NALF1: variants seen among roughly 807,000 people sequenced by gnomAD.
NALF1 encodes the protein family with sequence similarity 155 member A.
Under a neutral mutation model 48.4 loss-of-function variants are expected in NALF1, and 3 were observed. That is an observed-to-expected ratio of 0.06 (90% confidence interval 0.03 to 0.16). The LOEUF (loss-of-function observed/expected upper bound fraction) is 0.16, where lower values mean the gene tolerates loss of function less well. NALF1 is among the 10% of genes least tolerant of loss of function. The pLI, the probability that NALF1 is intolerant of heterozygous loss-of-function variation, is 1.00. For missense variants in NALF1, 526 were observed against 571.5 expected, an observed-to-expected ratio of 0.92 and a Z score of 0.81; for synonymous variants, 262 against 245.7, an observed-to-expected ratio of 1.07 and a Z score of -0.62.
intron 1 of NALF1, among the ~76,000 whole-genome samples, chr13:107,449,753 G>A (rs1275045473): frequency 6.6e-6 from 1 of 152,182 alleles, no homozygotes; most frequent in Admixed American, 6.5e-5. Context: ...CACTTAGTAT[G>A]TGTTGGAGGC....
chr13:107,791,786 C>CG lies in NALF1; in HGVS notation c.915+73895_915+73896insC, dbSNP rs540286894. ...GCCAACGTGGTGATCCCCGCCCCCC[C>CG]CCGTCTCTACTAAAAATACAAAAAT... On this transcript the variant is annotated intron_variant, in intron 1 of 2. Transcript: ENST00000375915. Among the ~76,000 whole-genome samples the CG allele has an allele frequency of 2.8e-4, 42 of 151,890 alleles. No homozygotes were observed. In the East Asian group the frequency reaches 6.7e-3, roughly 24 times the overall value.
intron 1 of NALF1, among the ~76,000 whole-genome samples, chr13:107,258,020 T>C (rs1880854859): frequency 6.6e-6 from 1 of 152,150 alleles, no homozygotes; most frequent in Admixed American, 6.6e-5. Flanking sequence ...AGTAAACAAA[T>C]ATATAAGTGA....
At chr13:107,445,438 C>A (rs72650601) in intron 1 of NALF1, among the ~76,000 whole-genome samples, 7,633 of 152,206 alleles carry the variant, frequency 0.05, 305 homozygotes, top group African/African-American at 0.11. Flanking sequence ...AGTATGGATG[C>A]GTCACAGTTT....
chr13:107,223,552 G>T (rs1387876518), intron 1 of NALF1, among the ~76,000 whole-genome samples: 1 of 152,146 alleles, frequency 6.6e-6, no homozygotes, highest in Non-Finnish European at 1.5e-5. Context: ...CATAAAAATA[G>T]ATTTCACTCA....
chr13:107,231,546 C>T (rs1880225395), intron 1 of NALF1, among the ~76,000 whole-genome samples: 1 of 152,106 alleles, frequency 6.6e-6, no homozygotes, highest in African/African-American at 2.4e-5. Flanking sequence ...AATCTATGTC[C>T]CATATTTTTC....
At position 107,521,942 on chromosome 13, in the gene NALF1, TACAC is replaced by T. The variant is rs371749390; in HGVS notation, c.916-311191_916-311188del. Among the ~76,000 whole-genome samples, 35 of 146,334 alleles carry T rather than the reference TACAC, an allele frequency of 2.4e-4. 1 individual carries two copies. The highest frequency in any genetic ancestry group is 6.6e-4 in the South Asian group (3 of 4,574). ...TTCAACTTACACACACACACACACA[TACAC>T]ACACACACACACACAGAAACACACA... On this transcript the variant is annotated intron_variant, in intron 1 of 2. Transcript: ENST00000375915.
In NALF1 at chr13:107,169,845, A is replaced by G. The variant is rs1180253955; in HGVS notation, c.*652T>C. ...TCACTGTGGTTACACAGACAGAAGCAAGCGGATGTTGTTTGCTTAGGGGAC... is the reference window on the plus strand; with the variant it reads ...TCACTGTGGTTACACAGACAGAAGCGAGCGGATGTTGTTTGCTTAGGGGAC... On this transcript the variant is annotated 3_prime_UTR_variant, in exon 3 of 3. Coordinates refer to ENST00000375915, the MANE Select transcript of NALF1 (RefSeq NM_001080396.3). 1 of 152,752 alleles carries G rather than the reference A, an allele frequency of 6.5e-6. No individual in the cohort carries two copies. The highest frequency in any genetic ancestry group is 1.5e-5 in the Non-Finnish European group (1 of 68,152). 9.5% of individuals were successfully genotyped at this position (152,752 alleles called of 1,614,324 possible).
chr13:107,574,034 C>T (rs1433894400), intron 1 of NALF1, among the ~76,000 whole-genome samples: 2 of 152,082 alleles, frequency 1.3e-5, no homozygotes, highest in African/African-American at 2.4e-5. Flanking sequence ...AATAGTAGAA[C>T]ATGAAAACAA....
intron 2 of NALF1, among the ~76,000 whole-genome samples, chr13:107,178,387 G>A (rs1878984432): frequency 6.6e-6 from 1 of 152,154 alleles, no homozygotes; most frequent in Non-Finnish European, 1.5e-5. Flanking sequence ...TTTAAAAATT[G>A]GCAAAAGATC....
chr13:107,417,003 G>A (rs1389515990), intron 1 of NALF1, among the ~76,000 whole-genome samples: 2 of 152,146 alleles, frequency 1.3e-5, no homozygotes, highest in Non-Finnish European at 2.9e-5. Context: ...TGCTCACGGT[G>A]GCACCTTGTG....
At chr13:107,283,265 G>T (rs748202834) in intron 1 of NALF1, among the ~76,000 whole-genome samples, 8 of 152,112 alleles carry the variant, frequency 5.3e-5, no homozygotes, top group Non-Finnish European at 8.8e-5. Context: ...TTATAAACAA[G>T]ATCACCTTAC....
chr13:107,460,697 C>T (rs1358815361), intron 1 of NALF1, among the ~76,000 whole-genome samples: 3 of 152,144 alleles, frequency 2.0e-5, no homozygotes, highest in Admixed American at 1.3e-4. Context: ...GTACGATATA[C>T]ACTAAATTCT....
intron 1 of NALF1, among the ~76,000 whole-genome samples, chr13:107,424,429 G>A (rs890046860): frequency 2.8e-4 from 43 of 152,174 alleles, no homozygotes; most frequent in African/African-American, 9.9e-4. Context: ...AGGAGCCACC[G>A]CCCCTGGTGT....
Position 107,629,775 on chromosome 13 carries a change from T to A in NALF1, c.915+235907A>T, listed in dbSNP as rs534625746. ...TACAGTTTTTACACTTCATGAAAGA[T>A]ATTCTCTTAAATATATTACTTGAGA... On this transcript the variant is annotated intron_variant, in intron 1 of 2. Coordinates refer to ENST00000375915, the MANE Select transcript of NALF1 (RefSeq NM_001080396.3). Among the ~76,000 whole-genome samples the A allele has an allele frequency of 9.2e-5, 14 of 152,322 alleles. 1 individual carries two copies. The South Asian group carries it at 2.9e-3, about 32-fold the overall frequency.
Position 107,509,771 on chromosome 13 carries a change from A to C in NALF1, c.916-299016T>G, listed in dbSNP as rs115311849. Among the ~76,000 whole-genome samples the C allele has an allele frequency of 6.9e-3, 1,054 of 152,246 alleles. 6 individuals carry two copies. Among genetic ancestry groups the C allele is most frequent in the African/African-American group, 0.024 (1,012 of 41,542 alleles). ...ACTCTCCTTTGAAATTCCTGAAAGA[A>C]CAACTGGTTTCAATTGGTTTAACTA... is the stretch of plus-strand genomic sequence containing the variant. On this transcript the variant is annotated intron_variant, in intron 1 of 2. Transcript: ENST00000375915.
At chr13:107,828,518 G>A (rs1879590988) in intron 1 of NALF1, among the ~76,000 whole-genome samples, 1 of 141,876 alleles carries the variant, frequency 7.0e-6, no homozygotes, top group Admixed American at 7.3e-5. Flanking sequence ...CTTTCAAAGA[G>A]AAGAACACTG....
At chr13:107,318,038 C>T (rs914678435) in intron 1 of NALF1, among the ~76,000 whole-genome samples, 1 of 151,998 alleles carries the variant, frequency 6.6e-6, no homozygotes, top group Admixed American at 6.6e-5. Flanking sequence ...ACTTTTCTAT[C>T]ACTGCTTTCC....
chr13:107,230,816 T>C (rs187001950), intron 1 of NALF1, among the ~76,000 whole-genome samples: 3 of 151,694 alleles, frequency 2.0e-5, no homozygotes, highest in Admixed American at 1.3e-4. Context: ...TCCCAGCACG[T>C]TGGGAGGCCA....
intron 1 of NALF1, among the ~76,000 whole-genome samples, chr13:107,385,229 T>C (rs180767084): frequency 6.6e-6 from 1 of 152,314 alleles, no homozygotes; most frequent in East Asian, 1.9e-4. Context: ...TTCTTTTTCC[T>C]TTCTAAATAA....
Sources: gnomAD v4.1 joint callset for allele counts (sites outside exome capture counted in the v4.1 genomes callset) on GRCh38, gnomAD v4.1.1 for gene constraint, MANE v1.5 for transcripts, NCBI Gene and HGNC (gene_info 2026-07-23, HGNC 2026-07-21) for gene names.